CAMTA1: variants seen among roughly 807,000 people sequenced by gnomAD.
CAMTA1 encodes calmodulin-binding transcription activator 1.
Under a neutral mutation model 170.9 loss-of-function variants are expected in CAMTA1, and 27 were observed. That is an observed-to-expected ratio of 0.16 (90% CI 0.12 to 0.22). The LOEUF (loss-of-function observed/expected upper bound fraction) is 0.22, where lower values mean the gene tolerates loss of function less well. CAMTA1 is among the 10% of genes least tolerant of loss of function. The pLI, the probability that CAMTA1 is intolerant of heterozygous loss-of-function variation, is 1.00. For missense variants in CAMTA1, 1,619 were observed against 2,217.2 expected (o/e 0.73, Z 5.42); for synonymous variants, 833 against 891.5 (o/e 0.93, Z 1.17).
At chr1:7,493,139 C>T (rs1367757769) in intron 6 of CAMTA1, among the ~76,000 whole-genome samples, 2 of 128,388 alleles carry the variant, frequency 1.6e-5, no homozygotes, top group East Asian at 2.5e-4. Context: ...GACATACAAA[C>T]GTGAGCACAC....
At chr1:7,383,880 A>T (rs530367632) in intron 5 of CAMTA1, among the ~76,000 whole-genome samples, 2 of 152,180 alleles carry the variant, frequency 1.3e-5, no homozygotes, top group Non-Finnish European at 2.9e-5. Flanking sequence ...CCATGTGCCA[A>T]TGACACCCTC....
chr1:7,539,177 T>C (rs1459826511), intron 6 of CAMTA1, among the ~76,000 whole-genome samples: 1 of 152,230 alleles, frequency 6.6e-6, no homozygotes, highest in East Asian at 1.9e-4. Context: ...ATGACTTTTC[T>C]TGAAGAATCA....
intron 4 of CAMTA1, among the ~76,000 whole-genome samples, chr1:7,230,714 G>C (rs1662624522): frequency 6.6e-6 from 1 of 152,192 alleles, no homozygotes; most frequent in Non-Finnish European, 1.5e-5. Flanking sequence ...ATCCTTATTT[G>C]TTGGCCCAGG....
At chr1:7,354,777 T>C (rs2084967969) in intron 5 of CAMTA1, among the ~76,000 whole-genome samples, 2 of 152,238 alleles carry the variant, frequency 1.3e-5, no homozygotes, top group Non-Finnish European at 2.9e-5. Context: ...TGTGTGATGG[T>C]GTCTCATTGT....
intron 4 of CAMTA1, among the ~76,000 whole-genome samples, chr1:7,156,019 G>A (rs1272742684): frequency 3.3e-5 from 5 of 152,030 alleles, no homozygotes; most frequent in Non-Finnish European, 5.9e-5. Flanking sequence ...TTGGGATGCC[G>A]AGATGGGAGG....
chr1:7,494,090 G>A (rs890905312), intron 6 of CAMTA1, among the ~76,000 whole-genome samples: 4 of 151,684 alleles, frequency 2.6e-5, no homozygotes, highest in Non-Finnish European at 5.9e-5. Flanking sequence ...GTGGCCTTCT[G>A]GGTTTTTCTT....
intron 5 of CAMTA1, among the ~76,000 whole-genome samples, chr1:7,328,172 T>G (rs2082807407): frequency 6.6e-6 from 1 of 152,170 alleles, no homozygotes; most frequent in Non-Finnish European, 1.5e-5. Context: ...CTTCTCGAAT[T>G]TGGTGGCTGG....
chr1:7,724,492 C>T (rs200377223), intron 11 of CAMTA1, among the ~76,000 whole-genome samples: 1 of 152,136 alleles, frequency 6.6e-6, no homozygotes, highest in East Asian at 1.9e-4. Flanking sequence ...GGGCAGAAGG[C>T]CCCAGTCTAC....
At chr1:6,844,662 G>T (rs1419180915) in intron 3 of CAMTA1, among the ~76,000 whole-genome samples, 1 of 147,312 alleles carries the variant, frequency 6.8e-6, no homozygotes, top group Admixed American at 6.8e-5. Context: ...CTCCAGCTTG[G>T]GTGACAGAGT....
intron 11 of CAMTA1, among the ~76,000 whole-genome samples, chr1:7,708,778 A>G (rs201336400): frequency 1.3e-5 from 2 of 152,218 alleles, no homozygotes; most frequent in East Asian, 3.8e-4. Context: ...GAGGAAGGTA[A>G]AGTATACGGA....
In CAMTA1 at chr1:7,767,761, CA is replaced by C. The variant is rs539297114; in HGVS notation, c.*1277del. On this transcript the variant is annotated 3_prime_UTR_variant, in exon 23 of 23. Transcript: ENST00000303635. ...AGTGGCTATGGTCTGTAAAATGAAA[CA>C]AAAAAACTTTATTTCACTATAAGAG... 1 of 140,996 alleles carries C rather than the reference CA, an allele frequency of 7.1e-6. No individual in the cohort carries two copies. Among genetic ancestry groups the C allele is most frequent in the East Asian group, 2.1e-4 (1 of 4,830 alleles). The allele number at this position is 140,996 out of a possible 1,614,324, so 8.7% of individuals were successfully genotyped here. A position where few individuals can be genotyped will look rare whatever the true frequency, so the allele number is the denominator to read the frequency against.
Position 7,455,675 on chromosome 1 carries a change from C to T in CAMTA1, c.439-12155C>T, listed in dbSNP as rs1258210211. On this transcript the variant is annotated intron_variant, in intron 5 of 22. Transcript: ENST00000303635. The surrounding 1 kb of genome is among the most constrained non-coding windows in gnomAD (Gnocchi z 5.0). ...TACGTGGCGTCACAGGTGCCTAGAGCGGGCGGCGCTGGGGAGCTGGATGCC... is the reference window on the plus strand; with the variant it reads ...TACGTGGCGTCACAGGTGCCTAGAGTGGGCGGCGCTGGGGAGCTGGATGCC... Among the ~76,000 whole-genome samples, 2 of 152,328 alleles carry T rather than the reference C, an allele frequency of 1.3e-5. No individual in the cohort carries two copies. The highest frequency in any genetic ancestry group is 1.9e-4 in the East Asian group (1 of 5,182).
rs1486669047 is a variant in CAMTA1 at position 7,248,496 on chromosome 1, T to C, written c.303-995T>C. 2.0e-5 allele frequency among the ~76,000 whole-genome samples: 3 copies of C among 152,220 alleles called. No homozygotes were observed. The highest frequency in any genetic ancestry group is 2.0e-4 in the Admixed American group (3 of 15,290). On this transcript the variant is annotated intron_variant, in intron 4 of 22. Transcript: ENST00000303635. This position sits in a 1 kb window ranked among gnomAD's most constrained non-coding sequence, Gnocchi z 4.0. ...GTTCAGGTGCAGAGTGGTGCAGCAC[T>C]GCGTGGGGTGCTGCTAGATTTTGGG...
Position 7,601,977 on chromosome 1 carries a change from G to A in CAMTA1, c.511-38423G>A. Reference sequence around the variant, plus strand: ...CGTGGGGAGAGGGAGACTGTGGGGAGAGGGAGACCGTGGGGAGAGGGAGAG... The same window carrying A: ...CGTGGGGAGAGGGAGACTGTGGGGAAAGGGAGACCGTGGGGAGAGGGAGAG... On this transcript the variant is annotated intron_variant, in intron 6 of 22. Transcript: ENST00000303635. 1.4e-5 allele frequency among the ~76,000 whole-genome samples: 2 copies of A among 145,450 alleles called. 1 individual carries two copies. Among genetic ancestry groups the A allele is most frequent in the Admixed American group, 1.4e-4 (2 of 14,780 alleles).
intron 3 of CAMTA1, among the ~76,000 whole-genome samples, chr1:6,915,664 G>A (rs1680623256): frequency 6.6e-6 from 1 of 152,188 alleles, no homozygotes; most frequent in Non-Finnish European, 1.5e-5. Flanking sequence ...TGCCGGAGAG[G>A]GAGGAGAATC....
At chr1:7,203,277 A>T (rs1657039005) in intron 4 of CAMTA1, among the ~76,000 whole-genome samples, 1 of 152,166 alleles carries the variant, frequency 6.6e-6, no homozygotes, top group South Asian at 2.1e-4. Flanking sequence ...TTTTTTATCC[A>T]TACCCATAAG....
intron 12 of CAMTA1, among the ~76,000 whole-genome samples, chr1:7,734,346 G>C (rs1158328196): frequency 6.6e-6 from 1 of 152,142 alleles, no homozygotes; most frequent in Non-Finnish European, 1.5e-5. Flanking sequence ...ACCAACAAAA[G>C]TGGCATAAAA....
intron 6 of CAMTA1, among the ~76,000 whole-genome samples, chr1:7,577,234 G>A (rs2095206480): frequency 1.3e-5 from 2 of 152,222 alleles, no homozygotes; most frequent in Non-Finnish European, 2.9e-5. Flanking sequence ...GGCTAGGACT[G>A]TGGCCTCCCT....
At chr1:7,471,593 C>T (rs544311026) in intron 6 of CAMTA1, among the ~76,000 whole-genome samples, 1 of 152,226 alleles carries the variant, frequency 6.6e-6, no homozygotes, top group African/African-American at 2.4e-5. Flanking sequence ...TGAGACCCAG[C>T]GAGAGCAGGG....
Sources: allele counts gnomAD v4.1 joint callset (sites outside exome capture counted in the v4.1 genomes callset), GRCh38; gene constraint gnomAD v4.1.1; non-coding constraint Gnocchi (gnomAD v3.1); transcripts MANE v1.5; gene names NCBI Gene and HGNC (gene_info 2026-07-23, HGNC 2026-07-21).